Variants in NLRC5 observed in about 807,000 individuals in gnomAD.
The protein encoded by NLRC5 is NLR family CARD domain containing 5.
NLRC5 carries 114 observed loss-of-function variants against 206.9 expected under a neutral mutation model. That is an observed-to-expected ratio of 0.55 (90% confidence interval 0.47 to 0.64). The LOEUF is 0.64. Among genes scored for constraint, NLRC5 ranks in the 30% least tolerant of loss-of-function variants. The pLI, the probability that NLRC5 is intolerant of heterozygous loss-of-function variation, is 0.00. For synonymous variants in NLRC5, 952 were observed against 962.8 expected (o/e 0.99, Z 0.21); for missense variants, 2,008 against 2,305.5 (o/e 0.87, Z 2.64).
chr16:57,067,862 G>A (rs760539579), intron 36 of NLRC5, 34 bp downstream of exon 36: 6 of 1,539,766 alleles, frequency 3.9e-6, no homozygotes, highest in Admixed American at 1.7e-5. Flanking sequence ...AGTCCCCTTT[G>A]CAGCTCTGCC....
intron 39 of NLRC5, 83 bp downstream of exon 39, chr16:57,074,766 G>A (rs2068152564): frequency 1.5e-6 from 2 of 1,328,812 alleles, no homozygotes. Context: ...GAAGCACTGA[G>A]GCCACCTCCC....
intron 11 of NLRC5, among the ~76,000 whole-genome samples, chr16:57,032,574 T>C (rs1396522234): frequency 6.6e-6 from 1 of 152,102 alleles, no homozygotes; most frequent in African/African-American, 2.4e-5. Flanking sequence ...TAAATTAAAA[T>C]TAAGTAAAAT....
At position 57,037,322 on chromosome 16, in the gene NLRC5, C is replaced by CT. The variant is rs11458802; in HGVS notation, c.2801+38_2801+39insT. The CT allele has an allele frequency of 8.6e-3, 13,322 of 1,544,412 alleles. 867 individuals carry two copies. In the African/African-American group the frequency reaches 0.16, roughly 18 times the overall value. On this transcript the variant is annotated intron_variant, in intron 15 of 48. Coordinates refer to ENST00000688547, the MANE Select transcript of NLRC5 (RefSeq NM_001384950.1). ...TCAGACCACGGTACCCATCCCCCCCCCCATCATGCTCTCTCTGAAGCCCTT... is the reference window on the plus strand; with the variant it reads ...TCAGACCACGGTACCCATCCCCCCCCTCCATCATGCTCTCTCTGAAGCCCTT...
At chr16:57,035,278 C>A (rs1165123586) in intron 13 of NLRC5, among the ~76,000 whole-genome samples, 1 of 152,144 alleles carries the variant, frequency 6.6e-6, no homozygotes, top group Non-Finnish European at 1.5e-5. Context: ...CCTGGATGAC[C>A]CCCTCGCCTT....
chr16:57,030,015 G>A lies in NLRC5; in HGVS notation c.2348G>A (p.Cys783Tyr). 6.2e-7 allele frequency: 1 copy of A among 1,614,190 alleles called. No homozygotes were observed. The highest frequency in any genetic ancestry group is 8.5e-7 in the Non-Finnish European group (1 of 1,180,028). Reference sequence around the variant, plus strand: ...TGCAGCCTGAGCAGCAACAGCATCTGCGTGTCAACCCTACTCTGCTTGGCA... The same window carrying A: ...TGCAGCCTGAGCAGCAACAGCATCTACGTGTCAACCCTACTCTGCTTGGCA... ...RKLDLSSNSI[C>Y]VSTLLCLARV... is the part of the protein sequence containing the mutation. The change falls in exon 10 of 49, where the codon TGC (cysteine) becomes TAC (tyrosine). Residue 783 changes from cysteine (C) to tyrosine (Y), a missense_variant. Cys to Tyr is a radical substitution (Grantham distance 194). Transcript: ENST00000688547.
intron 32 of NLRC5, among the ~76,000 whole-genome samples, chr16:57,063,222 C>T (rs186739065): frequency 8.7e-4 from 131 of 150,750 alleles, no homozygotes; most frequent in African/African-American, 3.2e-3. Context: ...AAGCGATTCT[C>T]CTGCCTCAGC....
intron 19 of NLRC5, 118 bp downstream of exon 19, chr16:57,042,183 G>A (rs1227230204): frequency 1.8e-5 from 11 of 598,090 alleles, no homozygotes; most frequent in Non-Finnish European, 3.0e-5. Context: ...CATGAAAATT[G>A]CCCCTAATAC....
intron 1 of NLRC5, among the ~76,000 whole-genome samples, chr16:57,015,635 T>C (rs2059980626): frequency 7.4e-6 from 1 of 135,936 alleles, no homozygotes; most frequent in Non-Finnish European, 1.6e-5. Flanking sequence ...AATAAATAAA[T>C]AAAGGAAAGA....
At chr16:57,030,435 A>G (rs1449553288) in intron 10 of NLRC5, among the ~76,000 whole-genome samples, 4 of 19,592 alleles carry the variant, frequency 2.0e-4, no homozygotes, top group Admixed American at 5.4e-4. Context: ...TGGGTGGATG[A>G]AAAGATGGAT....
At chr16:57,056,452 G>A (rs1250558848) in intron 27 of NLRC5, among the ~76,000 whole-genome samples, 1 of 152,060 alleles carries the variant, frequency 6.6e-6, no homozygotes, top group African/African-American at 2.4e-5. Context: ...CAACATGCCT[G>A]GCTAATAGTT....
At chr16:57,032,833 C>CAAAA (rs35838664) in intron 11 of NLRC5, among the ~76,000 whole-genome samples, 1 of 119,300 alleles carries the variant, frequency 8.4e-6, no homozygotes. Flanking sequence ...CCCATCTCTA[C>CAAAA]AAAAAAAAAA....
Position 57,026,344 on chromosome 16 carries a change from C to A in NLRC5, c.1401C>A (p.Gly467=). 6.2e-7 allele frequency: 1 copy of A among 1,613,960 alleles called. No homozygotes were observed. Among genetic ancestry groups the A allele is most frequent in the South Asian group, 1.1e-5 (1 of 91,092 alleles). Residue 467 remains glycine (G), a synonymous_variant, in exon 6 of 49, where the codon GGC becomes GGA. Coordinates refer to ENST00000688547, the MANE Select transcript of NLRC5 (RefSeq NM_001384950.1). The stretch of plus-strand genomic sequence containing the variant: ...ACCTGGGGGAGGTGGCCCTGAGGGG[C>A]CTGGAGACAGGGAAGGTTATCTTCT... The part of the protein sequence containing the change: ...LLDLGEVALR[G]LETGKVIFYA...
chr16:57,003,874 C>G (rs538304372), intron 1 of NLRC5: 1 of 152,106 alleles, frequency 6.6e-6, no homozygotes, highest in African/African-American at 2.4e-5. Flanking sequence ...CGCTGAGGTA[C>G]GAAGAGGCTG....
chr16:57,049,250 C>T (rs2064475882), intron 23 of NLRC5, among the ~76,000 whole-genome samples: 1 of 152,216 alleles, frequency 6.6e-6, no homozygotes, highest in Non-Finnish European at 1.5e-5. Context: ...GATTGAAATC[C>T]AAACTGCTTC....
Position 57,034,163 on chromosome 16 carries a change from C to A in NLRC5, c.2544-5C>A, listed in dbSNP as rs1344322689. ...GAGCCCTTCTGTCCCCCACTCCTAC[C>A]CAAGGCTGCAGAAGTGTCAGCTCCA... On this transcript the variant is annotated splice_polypyrimidine_tract_variant and splice_region_variant and intron_variant, in intron 12 of 48. Coordinates refer to ENST00000688547, the MANE Select transcript of NLRC5 (RefSeq NM_001384950.1). The A allele has an allele frequency of 6.2e-7, 1 of 1,613,606 alleles. No individual in the cohort carries two copies. The highest frequency in any genetic ancestry group is 1.7e-5 in the Admixed American group (1 of 59,990).
intron 6 of NLRC5, 43 bp downstream of exon 6, chr16:57,027,061 T>G: frequency 6.3e-7 from 1 of 1,582,592 alleles, no homozygotes; most frequent in Non-Finnish European, 8.6e-7. Context: ...ATTGGGCTTT[T>G]GGGGGAGCAG....
At chr16:57,077,068 C>T (rs1456189029) in intron 40 of NLRC5, among the ~76,000 whole-genome samples, 166 bp downstream of exon 40, 1 of 152,256 alleles carries the variant, frequency 6.6e-6, no homozygotes, top group African/African-American at 2.4e-5. Flanking sequence ...GACCCAAAGA[C>T]AGGATGTAAG....
chr16:57,043,883 AT>A (rs11477564), intron 20 of NLRC5: 134,490 of 374,102 alleles, frequency 0.36, 18,409 homozygotes, highest in Non-Finnish European at 0.38. Context: ...GTCCTTAGAG[AT>A]TTTTTTTTTT....
intron 1 of NLRC5, chr16:56,992,270 G>A (rs1213681855): frequency 2.6e-5 from 4 of 152,140 alleles, no homozygotes; most frequent in African/African-American, 9.7e-5. Context: ...GGCACTTTGT[G>A]ACAGCAGATA....
Sources: gnomAD v4.1 joint callset for allele counts (sites outside exome capture counted in the v4.1 genomes callset) on GRCh38, gnomAD v4.1.1 for gene constraint, MANE v1.5 for transcripts, NCBI Gene and HGNC (gene_info 2026-07-23, HGNC 2026-07-21) for gene names.